The following SCN2A variants were observed in gnomAD, a reference collection of about 807,000 sequenced individuals.
SCN2A encodes the protein sodium channel protein type 2 subunit alpha.
Under a neutral mutation model 188.7 loss-of-function variants are expected in SCN2A, and 20 were observed. The ratio of observed to expected loss-of-function variants is 0.11; its 90% CI spans 0.07 to 0.15. The LOEUF is 0.15. Among genes scored for constraint, SCN2A ranks in the 10% least tolerant of loss-of-function variants. The probability of loss-of-function intolerance (pLI) is 1.00; values close to 1 mark genes in which losing one functional copy is unlikely to be tolerated. For missense variants in SCN2A, 1,278 were observed against 2,445.0 expected, an observed-to-expected ratio of 0.52 and a Z score of 10.07; for synonymous variants, 804 against 833.1, an observed-to-expected ratio of 0.97 and a Z score of 0.60.
At chr2:165,387,164 C>T in intron 26 of SCN2A, 148 bp downstream of exon 26, 17 of 794,634 alleles carry the variant, frequency 2.1e-5, no homozygotes. Flanking sequence ...TTTTAGTTTG[C>T]CATTTCTCTA....
At chr2:165,260,026 C>G (rs1269404764) in intron 1 of SCN2A, among the ~76,000 whole-genome samples, 2 of 146,908 alleles carry the variant, frequency 1.4e-5, no homozygotes, top group African/African-American at 2.5e-5. Flanking sequence ...TCGCTGCAGG[C>G]TCCATCTTCT....
chr2:165,326,943 G>A lies in SCN2A; in HGVS notation c.2108G>A (p.Arg703Lys). ...DLLEDPTSRQRAMSIASILTN... is the reference protein window; with the variant it reads ...DLLEDPTSRQKAMSIASILTN... The stretch of plus-strand genomic sequence containing the variant: ...TTGGAAGATCCTACATCAAGGCAAA[G>A]AGCAATGAGTATAGCCAGTATTTTG... The change falls in exon 13 of 27, where the codon AGA becomes AAA. Residue 703 changes from arginine to lysine, a missense_variant. Transcript: ENST00000375437. 1 of 1,614,022 alleles carries A rather than the reference G, an allele frequency of 6.2e-7. No individual in the cohort carries two copies. The highest frequency in any genetic ancestry group is 8.5e-7 in the Non-Finnish European group (1 of 1,179,938).
At chr2:165,279,179 C>A (rs1657774968) in intron 1 of SCN2A, among the ~76,000 whole-genome samples, 1 of 152,138 alleles carries the variant, frequency 6.6e-6, no homozygotes, top group African/African-American at 2.4e-5. Flanking sequence ...TTCCCATATA[C>A]CACATTATCT....
At chr2:165,325,156 G>A (rs1698283306) in intron 12 of SCN2A, among the ~76,000 whole-genome samples, 1 of 152,142 alleles carries the variant, frequency 6.6e-6, no homozygotes, top group South Asian at 2.1e-4. Context: ...TTACCATGCA[G>A]GAATACAGAC....
At chr2:165,371,302 G>A (rs553108601) in intron 20 of SCN2A, 1 of 152,304 alleles carries the variant, frequency 6.6e-6, no homozygotes, top group Non-Finnish European at 1.5e-5. Context: ...TATTATGATA[G>A]TATATGAAAC....
At chr2:165,375,785 C>T (rs1275340009) in intron 22 of SCN2A, among the ~76,000 whole-genome samples, 3 of 151,586 alleles carry the variant, frequency 2.0e-5, no homozygotes, top group Non-Finnish European at 1.5e-5. Flanking sequence ...CATTTAAAAA[C>T]TTATTGGATG....
intron 1 of SCN2A, among the ~76,000 whole-genome samples, chr2:165,288,478 C>A (rs1022010757): frequency 6.7e-6 from 1 of 149,794 alleles, no homozygotes; most frequent in East Asian, 1.9e-4. Context: ...GCTCAATGCA[C>A]CTAATATAAA....
intron 17 of SCN2A, among the ~76,000 whole-genome samples, chr2:165,357,151 G>A (rs958861740): frequency 6.6e-6 from 1 of 152,078 alleles, no homozygotes; most frequent in Non-Finnish European, 1.5e-5. Context: ...CGTGAAAGAG[G>A]TTATGTGTAG....
intron 1 of SCN2A, among the ~76,000 whole-genome samples, chr2:165,250,634 C>T (rs1574436306): frequency 6.6e-6 from 1 of 152,032 alleles, no homozygotes; most frequent in Middle Eastern, 3.4e-3. Context: ...ACAATAGTCA[C>T]ACGAACATGT....
chr2:165,309,516 C>A, intron 6 of SCN2A, 73 bp downstream of exon 6: 1 of 1,565,924 alleles, frequency 6.4e-7, no homozygotes. Flanking sequence ...TGTGCAGAAG[C>A]CTTGTTGCTA....
chr2:165,292,231 C>G (rs1332054025), intron 1 of SCN2A, among the ~76,000 whole-genome samples: 2 of 152,148 alleles, frequency 1.3e-5, no homozygotes, highest in African/African-American at 4.8e-5. Flanking sequence ...ATCTTTTTCT[C>G]TTACAATCAA....
At chr2:165,367,457 A>G (rs1197659712) in intron 19 of SCN2A, 86 bp downstream of exon 19, 1 of 1,417,318 alleles carries the variant, frequency 7.1e-7, no homozygotes, top group Non-Finnish European at 9.9e-7. Context: ...CCACTTTTAA[A>G]TTAAGGTGTT....
intron 6 of SCN2A, among the ~76,000 whole-genome samples, chr2:165,309,770 T>G (rs1697335627): frequency 6.6e-6 from 1 of 152,160 alleles, no homozygotes; most frequent in Admixed American, 6.5e-5. Flanking sequence ...TTTGACAGTT[T>G]AGGCCTAAAA....
chr2:165,321,696 T>A (rs1448208351), intron 11 of SCN2A, among the ~76,000 whole-genome samples: 1 of 152,114 alleles, frequency 6.6e-6, no homozygotes, highest in African/African-American at 2.4e-5. Flanking sequence ...TGAGACTTAT[T>A]CACTACCATG....
Position 165,365,256 on chromosome 2 carries a change from T to C in SCN2A, c.3513T>C (p.Phe1171=). The change falls in exon 18 of 27, where the codon TTT becomes TTC. Residue 1171 remains phenylalanine, a synonymous_variant. Coordinates refer to ENST00000375437, the MANE Select transcript of SCN2A (RefSeq NM_001040142.2). The stretch of plus-strand genomic sequence containing the variant: ...AATCCCTTGAACCTGAAGCCTGTTT[T>C]ACAGAAGGTAAGCAAAACAATAACA... ...PEESLEPEAC[F]TEDCVRKFKC... is the part of the protein sequence containing the mutation. 1 of 1,613,924 alleles carries C rather than the reference T, an allele frequency of 6.2e-7. No homozygotes were observed. The highest frequency in any genetic ancestry group is 2.2e-5 in the East Asian group (1 of 44,850).
intron 12 of SCN2A, among the ~76,000 whole-genome samples, chr2:165,324,462 T>C (rs1042500473): frequency 1.3e-5 from 2 of 152,232 alleles, no homozygotes; most frequent in Non-Finnish European, 2.9e-5. Flanking sequence ...GCCATTATCT[T>C]CTTCACATTT....
chr2:165,346,165 G>T (rs767373294), intron 16 of SCN2A, among the ~76,000 whole-genome samples: 2 of 152,024 alleles, frequency 1.3e-5, no homozygotes, highest in African/African-American at 4.8e-5. Context: ...TTCTACCTTG[G>T]TGTATCTGAC....
At chr2:165,286,249 A>G (rs1223527778) in intron 1 of SCN2A, among the ~76,000 whole-genome samples, 1 of 152,150 alleles carries the variant, frequency 6.6e-6, no homozygotes, top group African/African-American at 2.4e-5. Flanking sequence ...GCAGCAGAGC[A>G]ACATTAACAT....
chr2:165,243,825 G>A (rs972027745), intron 1 of SCN2A: 13 of 152,170 alleles, frequency 8.5e-5, no homozygotes, highest in African/African-American at 3.1e-4. Context: ...ACAGGCGTTG[G>A]TGAGTCATAT....
Sources: gnomAD v4.1 joint callset for allele counts (sites outside exome capture counted in the v4.1 genomes callset) on GRCh38, gnomAD v4.1.1 for gene constraint, MANE v1.5 for transcripts, NCBI Gene and HGNC (gene_info 2026-07-23, HGNC 2026-07-21) for gene names.